The following USP35 variants were observed in gnomAD, a reference collection of about 807,000 sequenced individuals.
USP35 encodes the protein ubiquitin specific peptidase 35, also known as ubiquitin carboxyl-terminal hydrolase 35.
In USP35, 69 loss-of-function variants were observed where a neutral mutation model predicts 83.8. That is an observed-to-expected ratio of 0.82 (90% CI 0.68 to 1.01). The LOEUF (loss-of-function observed/expected upper bound fraction) is 1.01. Ranked by LOEUF, USP35 falls within the 50% of genes least tolerant of loss-of-function variation. The pLI, the probability that USP35 is intolerant of heterozygous loss-of-function variation, is 0.00. For missense variants in USP35, 1,503 were observed against 1,362.5 expected, an observed-to-expected ratio of 1.10 and a Z score of -1.62; for synonymous variants, 714 against 589.5, an observed-to-expected ratio of 1.21 and a Z score of -3.06.
rs2134425502 is a variant in USP35 at position 78,213,667 on chromosome 11, A to G, written c.2911A>G (p.Ser971Gly). 2 of 1,500,704 alleles carry G rather than the reference A, an allele frequency of 1.3e-6. No homozygotes were observed. The highest frequency in any genetic ancestry group is 1.8e-6 in the Non-Finnish European group (2 of 1,131,712). 93.0% of individuals were successfully genotyped at this position (1,500,704 alleles called of 1,614,324 possible). A position where few individuals can be genotyped will look rare whatever the true frequency, so the allele number is the denominator to read the frequency against. ...YLQEQEKEAR[S>G]RAAYISALPT... ...CCAGGAGCAGGAGAAGGAGGCCCGG[A>G]GCAGGGCGGCCTACATCTCTGCACT... The change falls in exon 11 of 11, where the codon AGC becomes GGC. Residue 971 changes from serine (S) to glycine (G), a missense_variant. Physicochemically the swap from Ser to Gly is moderately conservative, Grantham distance 56. Transcript: ENST00000529308.
chr11:78,199,613 C>T lies in USP35; in HGVS notation c.825C>T (p.Ser275=), dbSNP rs1280051657. The change falls in exon 4 of 11, where the codon TCC becomes TCT. Residue 275 remains serine, a synonymous_variant. Coordinates refer to ENST00000529308, the MANE Select transcript of USP35 (RefSeq NM_020798.4). The part of the protein sequence containing the change: ...TAISRMIDWV[S]WPLGKNIDKW... ...TCACCAGGATGATTGACTGGGTGTCCTGGCCCCTGGGGAAGAATATTGACA... is the reference window on the plus strand; with the variant it reads ...TCACCAGGATGATTGACTGGGTGTCTTGGCCCCTGGGGAAGAATATTGACA... 2 of 1,614,174 alleles carry T rather than the reference C, an allele frequency of 1.2e-6. No homozygotes were observed. The highest frequency in any genetic ancestry group is 2.2e-5 in the South Asian group (2 of 91,082).
At position 78,207,474 on chromosome 11, in the gene USP35, T is replaced by C. The variant is rs1863565611; in HGVS notation, c.1392-56T>C. 1.9e-6 allele frequency: 3 copies of C among 1,572,470 alleles called. No individual in the cohort carries two copies. The East Asian group carries it at 6.7e-5, about 35-fold the overall frequency. On this transcript the variant is annotated intron_variant, in intron 7 of 10. Coordinates refer to ENST00000529308, the MANE Select transcript of USP35 (RefSeq NM_020798.4). ...CTGGGCTGCCTGTGACATGGGTGAC[T>C]AGAGACTCCTTGGGGGCCCATGGCT...
chr11:78,198,052 C>A lies in USP35; in HGVS notation c.790C>A (p.Leu264Met). ...NDDSVTDSQM[L>M]TAISRMIDWV... ...TGACAGTGTGACAGACTCGCAGATG[C>A]TGACTGCCATTAGCAGGTGGGACGC... Residue 264 changes from leucine (L) to methionine (M), a missense_variant, in exon 3 of 11, where the codon CTG becomes ATG. Transcript: ENST00000529308. The A allele has an allele frequency of 6.2e-7, 1 of 1,614,238 alleles. No homozygotes were observed. The highest frequency in any genetic ancestry group is 1.6e-4 in the Middle Eastern group (1 of 6,062).
Position 78,200,736 on chromosome 11 carries a change from G to A in USP35, c.1125G>A (p.Glu375=). ...CCAGCTGCCTGGAGCAGCTGGCGGA[G>A]CTGGTCCACTGCATGGTGTTCCGGT... is the stretch of plus-strand genomic sequence containing the variant. ...SGTSCLEQLA[E]LVHCMVFRFP... Residue 375 remains glutamate, a synonymous_variant, in exon 6 of 11, where the codon GAG becomes GAA. Transcript: ENST00000529308. The A allele has an allele frequency of 8.1e-6, 13 of 1,614,208 alleles. No homozygotes were observed. The highest frequency in any genetic ancestry group is 1.0e-5 in the Non-Finnish European group (12 of 1,180,028).
chr11:78,195,348 G>A lies in USP35; in HGVS notation c.-10-888G>A, dbSNP rs141391554. 6.6e-4 allele frequency among the ~76,000 whole-genome samples: 100 copies of A among 152,214 alleles called. No individual in the cohort carries two copies. The East Asian group carries it at 0.016, about 25-fold the overall frequency. On this transcript the variant is annotated intron_variant, in intron 1 of 10. Coordinates refer to ENST00000529308, the MANE Select transcript of USP35 (RefSeq NM_020798.4). Reference sequence around the variant, plus strand: ...GTGTGAGAGCATGGTGGTCGTGGGGGCCTCAGGAGATAAGGACGTGTCAGG... The same window carrying A: ...GTGTGAGAGCATGGTGGTCGTGGGGACCTCAGGAGATAAGGACGTGTCAGG...
intron 2 of USP35, 43 bp from the exon 3 acceptor site, chr11:78,197,893 G>C (rs777639466): frequency 4.4e-6 from 7 of 1,599,100 alleles, no homozygotes; most frequent in Non-Finnish European, 6.0e-6. Context: ...GGGAAGGGAG[G>C]GGCCTGCCTC....
chr11:78,225,172 T>C, the USP35 span: 1 of 1,613,018 alleles, frequency 6.2e-7, no homozygotes, highest in Admixed American at 1.7e-5. Context: ...TCCACCACGC[T>C]GTGGGTACTC....
intron 3 of USP35, chr11:78,199,208 C>T (rs1283990845): frequency 1.7e-5 from 4 of 233,124 alleles, no homozygotes; most frequent in Admixed American, 1.5e-4. Context: ...AACTGAGGCC[C>T]AGAGCGGGGA....
At position 78,209,532 on chromosome 11, in the gene USP35, G is replaced by T. The variant is rs544472594; in HGVS notation, c.1677G>T (p.Pro559=). The change falls in exon 10 of 11, where the codon CCG becomes CCT. Residue 559 remains proline, a synonymous_variant. Coordinates refer to ENST00000529308, the MANE Select transcript of USP35 (RefSeq NM_020798.4). ...SSSPSPPEEP[P]APSSTSVEKM... ...CGCCCTCTCCGCCCGAGGAGCCCCCGGCCCCAAGTTCAACCTCTGTGGAAA... is the reference window on the plus strand; with the variant it reads ...CGCCCTCTCCGCCCGAGGAGCCCCCTGCCCCAAGTTCAACCTCTGTGGAAA... 2 of 1,613,954 alleles carry T rather than the reference G, an allele frequency of 1.2e-6. No individual in the cohort carries two copies. Among genetic ancestry groups the T allele is most frequent in the African/African-American group, 2.7e-5 (2 of 74,896 alleles).
chr11:78,226,619 G>GGC, the USP35 span: 1 of 952,238 alleles, frequency 1.1e-6, no homozygotes, highest in Non-Finnish European at 1.6e-6. Context: ...GGCGGGGTGG[G>GGC]GGAGCTATGG....
chr11:78,209,681 GC>G lies in USP35; in HGVS notation c.1828del (p.Arg610AlafsTer5). ...AFPPPERCRR[R>X]RLGSVMRPTE... Reference sequence around the variant, plus strand: ...CCTCCTCCTGAGCGCTGTCGCCGCCGCCGCCTGGGCTCTGTGATGCGCCCCA... The same window carrying G: ...CCTCCTCCTGAGCGCTGTCGCCGCCGCGCCTGGGCTCTGTGATGCGCCCCA... On this transcript the variant is annotated frameshift_variant, in exon 10 of 11. Transcript: ENST00000529308. LOFTEE classifies it high-confidence loss of function. 1 of 1,613,826 alleles carries G rather than the reference GC, an allele frequency of 6.2e-7. No individual in the cohort carries two copies. Among genetic ancestry groups the G allele is most frequent in the Non-Finnish European group, 8.5e-7 (1 of 1,179,856 alleles).
At position 78,197,873 on chromosome 11, in the gene USP35, G is replaced by A. The variant is rs969057704; in HGVS notation, c.674-63G>A. 1.7e-5 allele frequency: 26 copies of A among 1,575,032 alleles called. No homozygotes were observed. In the African/African-American group the frequency reaches 3.4e-4, roughly 20 times the overall value. On this transcript the variant is annotated intron_variant, in intron 2 of 10. Transcript: ENST00000529308. ...CGGTTCGTTGGCTCCTGCAGGGCATGGTGTGCTGGGGGAAGGGAGGGGCCT... is the reference window on the plus strand; with the variant it reads ...CGGTTCGTTGGCTCCTGCAGGGCATAGTGTGCTGGGGGAAGGGAGGGGCCT...
chr11:78,200,656 C>A lies in USP35; in HGVS notation c.1045C>A (p.Pro349Thr), dbSNP rs1357879980. 1.9e-6 allele frequency: 3 copies of A among 1,609,348 alleles called. No individual in the cohort carries two copies. Among genetic ancestry groups the A allele is most frequent in the Non-Finnish European group, 2.5e-6 (3 of 1,177,210 alleles). ...HSHEAFHLLLPHIPPMVASLV... is the reference protein window; with the variant it reads ...HSHEAFHLLLTHIPPMVASLV... ...CGCAGCTCTGCTCCCACAGCTCCTC[C>A]CTCACATCCCCCCCATGGTGGCCTC... The change falls in exon 6 of 11, where the codon CCT becomes ACT. Residue 349 changes from proline (P) to threonine (T), a missense_variant. Pro to Thr is a conservative substitution (Grantham distance 38). Coordinates refer to ENST00000529308, the MANE Select transcript of USP35 (RefSeq NM_020798.4).
intron 6 of USP35, 29 bp from the exon 7 acceptor site, chr11:78,205,813 T>TCCTG (rs1425047746): frequency 8.8e-6 from 14 of 1,587,142 alleles, no homozygotes; most frequent in Admixed American, 3.4e-5. Flanking sequence ...GTGCCCACCA[T>TCCTG]CCTGCCTGCC....
At chr11:78,198,206 A>G (rs1231816756) in intron 3 of USP35, 138 bp downstream of exon 3, 3 of 1,366,446 alleles carry the variant, frequency 2.2e-6, no homozygotes, top group Admixed American at 2.1e-5. Context: ...TCCATCATCT[A>G]TCCTTTCTTG....
At chr11:78,223,688 A>G in the USP35 span, 17 of 1,575,922 alleles carry the variant, frequency 1.1e-5, no homozygotes, top group Non-Finnish European at 1.5e-5. Context: ...TAGGGAGAGG[A>G]ACAGTGAAAG....
Position 78,210,306 on chromosome 11 carries a change from C to T in USP35, c.2451C>T (p.Thr817=), listed in dbSNP as rs1200582697. 5 of 1,613,848 alleles carry T rather than the reference C, an allele frequency of 3.1e-6. No individual in the cohort carries two copies. Among genetic ancestry groups the T allele is most frequent in the Non-Finnish European group, 4.2e-6 (5 of 1,180,002 alleles). The change falls in exon 10 of 11, where the codon ACC becomes ACT. Residue 817 remains threonine, a synonymous_variant. Coordinates refer to ENST00000529308, the MANE Select transcript of USP35 (RefSeq NM_020798.4). ...TGCGCTTCTCTTTCGACCTGCGCAC[C>T]ATGCGGCGCCGCAAGATCCTGGATG... ...TLLRFSFDLR[T]MRRRKILDDV...
At chr11:78,229,421 G>A in the USP35 span, among the ~76,000 whole-genome samples, 1 of 152,122 alleles carries the variant, frequency 6.6e-6, no homozygotes, top group Non-Finnish European at 1.5e-5. Flanking sequence ...TTCAAGGTGG[G>A]GATGGGGTTG....
the USP35 span, chr11:78,227,182 A>G: frequency 1.5e-6 from 1 of 651,430 alleles, no homozygotes; most frequent in Admixed American, 2.5e-5. Context: ...GCATATTTTG[A>G]AGGTTGTTCA....
Sources: gnomAD v4.1 joint callset for allele counts (sites outside exome capture counted in the v4.1 genomes callset) on GRCh38, gnomAD v4.1.1 for gene constraint, MANE v1.5 for transcripts, NCBI Gene and HGNC (gene_info 2026-07-23, HGNC 2026-07-21) for gene names.